The following SDK1 variants were observed in gnomAD, a reference collection of about 807,000 sequenced individuals.
SDK1 encodes the protein sidekick cell adhesion molecule 1.
In SDK1, 157 loss-of-function variants were observed where a neutral mutation model predicts 245.5. The ratio of observed to expected loss-of-function variants is 0.64; its 90% CI spans 0.56 to 0.73. The LOEUF (loss-of-function observed/expected upper bound fraction) is 0.73. SDK1 is among the 30% of genes least tolerant of loss of function. SDK1 has a pLI of 0.00. For missense variants in SDK1, 3,583 were observed against 3,002.3 expected, an observed-to-expected ratio of 1.19 and a Z score of -4.52; for synonymous variants, 1,647 against 1,278.5, an observed-to-expected ratio of 1.29 and a Z score of -6.15.
chr7:3,456,795 G>A (rs933491389), intron 1 of SDK1, among the ~76,000 whole-genome samples: 10 of 152,160 alleles, frequency 6.6e-5, no homozygotes, highest in African/African-American at 2.4e-4. Flanking sequence ...GGACATTTTG[G>A]CTGTTATGTT....
At chr7:3,768,299 G>A (rs189345792) in intron 4 of SDK1, among the ~76,000 whole-genome samples, 45 of 152,264 alleles carry the variant, frequency 3.0e-4, no homozygotes, top group Non-Finnish European at 5.9e-4. Flanking sequence ...GACATGGCCC[G>A]CATAAAGCAG....
intron 1 of SDK1, among the ~76,000 whole-genome samples, chr7:3,435,439 T>C (rs1226540459): frequency 6.8e-6 from 1 of 148,106 alleles, no homozygotes; most frequent in African/African-American, 2.5e-5. Flanking sequence ...CAAGCAATTA[T>C]CCTGCCTCAG....
chr7:3,716,963 G>A (rs888889527), intron 4 of SDK1, among the ~76,000 whole-genome samples: 1 of 152,080 alleles, frequency 6.6e-6, no homozygotes, highest in Admixed American at 6.6e-5. Flanking sequence ...TTCACTTCAT[G>A]AGTTTCCTAA....
At position 4,268,001 on chromosome 7, in the gene SDK1, G is replaced by A. The variant is rs1788573471; in HGVS notation, c.*2617G>A. On this transcript the variant is annotated 3_prime_UTR_variant, in exon 45 of 45. Transcript: ENST00000404826. ...TCCTAACTCCTTATCTTCAGGGAAG[G>A]AAAAGAAAATCACAGCCTAGGAAGA... is the stretch of plus-strand genomic sequence containing the variant. The A allele has an allele frequency of 3.0e-6, 3 of 985,372 alleles. No individual in the cohort carries two copies. In the South Asian group the frequency reaches 1.4e-4, roughly 46 times the overall value. 61.0% of individuals were successfully genotyped at this position (985,372 alleles called of 1,614,324 possible).
At chr7:3,362,579 G>A (rs1780983236) in intron 1 of SDK1, among the ~76,000 whole-genome samples, 2 of 151,936 alleles carry the variant, frequency 1.3e-5, no homozygotes, top group African/African-American at 4.8e-5. Flanking sequence ...AAGCATAATT[G>A]CGTTTTTCTT....
chr7:3,785,924 T>C (rs949258040), intron 4 of SDK1, among the ~76,000 whole-genome samples: 1 of 152,202 alleles, frequency 6.6e-6, no homozygotes, highest in African/African-American at 2.4e-5. Flanking sequence ...CTTGAGGAAA[T>C]GTGGTCTTTA....
chr7:3,672,759 T>TTTTATATATATATATA (rs1554307102), intron 4 of SDK1, among the ~76,000 whole-genome samples: 2 of 50,744 alleles, frequency 3.9e-5, no homozygotes, highest in Non-Finnish European at 6.9e-5. Context: ...ATATATAATT[T>TTTTATATATATATATA]TATATATATA....
intron 4 of SDK1, among the ~76,000 whole-genome samples, chr7:3,655,776 A>T (rs918146306): frequency 6.6e-6 from 1 of 151,958 alleles, no homozygotes; most frequent in Admixed American, 6.6e-5. Flanking sequence ...TGTGAGACTA[A>T]GTACACTAGA....
chr7:3,359,110 T>C (rs573927548), intron 1 of SDK1, among the ~76,000 whole-genome samples: 10 of 152,272 alleles, frequency 6.6e-5, no homozygotes, highest in African/African-American at 2.2e-4. Context: ...GGAATGGACA[T>C]GTGATCACGC....
At chr7:3,700,003 TGA>T in intron 4 of SDK1, among the ~76,000 whole-genome samples, 1 of 262 alleles carries the variant, frequency 3.8e-3, no homozygotes, top group African/African-American at 0.011. Flanking sequence ...TGTCATCAGA[TGA>T]TCTCTCATCA....
chr7:4,260,922 C>T (rs180790159), intron 44 of SDK1, among the ~76,000 whole-genome samples: 44 of 152,230 alleles, frequency 2.9e-4, no homozygotes, highest in African/African-American at 9.6e-4. Context: ...ATGTGTCTTA[C>T]GTCTGCAATT....
At chr7:3,687,209 G>T (rs1784313165) in intron 4 of SDK1, among the ~76,000 whole-genome samples, 1 of 145,224 alleles carries the variant, frequency 6.9e-6, no homozygotes, top group Non-Finnish European at 1.5e-5. Flanking sequence ...GTCTCTCTCT[G>T]TCGCCAGGCT....
intron 1 of SDK1, among the ~76,000 whole-genome samples, chr7:3,475,199 C>T (rs1404673566): frequency 6.6e-6 from 1 of 151,968 alleles, no homozygotes; most frequent in East Asian, 1.9e-4. Flanking sequence ...GGAACCTGAA[C>T]TCTCCCTCCT....
intron 35 of SDK1, among the ~76,000 whole-genome samples, chr7:4,204,283 G>C (rs751983254): frequency 6.6e-6 from 1 of 152,194 alleles, no homozygotes; most frequent in Non-Finnish European, 1.5e-5. Flanking sequence ...CCTCCAGTTA[G>C]TTTTGATTGA....
At chr7:3,357,812 T>G (rs887000902) in intron 1 of SDK1, among the ~76,000 whole-genome samples, 4 of 152,138 alleles carry the variant, frequency 2.6e-5, no homozygotes, top group African/African-American at 9.7e-5. Context: ...ACTCTGAACT[T>G]TCTTTGCTAT....
At chr7:3,881,407 T>C (rs1232846816) in intron 5 of SDK1, among the ~76,000 whole-genome samples, 1 of 152,214 alleles carries the variant, frequency 6.6e-6, no homozygotes, top group Admixed American at 6.5e-5. Flanking sequence ...TCCAGCTCCT[T>C]CTGCGTCCCT....
chr7:3,516,444 T>C (rs921204264), intron 1 of SDK1, among the ~76,000 whole-genome samples: 3 of 152,130 alleles, frequency 2.0e-5, no homozygotes, highest in Admixed American at 1.3e-4. Context: ...AGGCTAATTA[T>C]TGAAAGTATA....
chr7:4,074,668 C>G (rs982816871), intron 20 of SDK1, among the ~76,000 whole-genome samples: 4 of 151,714 alleles, frequency 2.6e-5, no homozygotes, highest in African/African-American at 9.7e-5. Flanking sequence ...TGAGACCAGC[C>G]TGGGCAACAC....
In SDK1 at chr7:3,969,410, C is replaced by T. The variant is rs145189416; in HGVS notation, c.1700C>T (p.Thr567Met). ...GAGGGCTCCCTGAATGCATCGGCCA[C>T]GCTCACTGTGTGGAGTAAGGAGCAG... ...NTEGSLNASA[T>M]LTVWNRTSIV... Residue 567 changes from threonine to methionine, a missense_variant, in exon 11 of 45, where the codon ACG (threonine) becomes ATG (methionine). Thr to Met is a moderately conservative substitution (Grantham distance 81). Coordinates refer to ENST00000404826, the MANE Select transcript of SDK1 (RefSeq NM_152744.4). 176 of 1,599,158 alleles carry T rather than the reference C, an allele frequency of 1.1e-4. No homozygotes were observed. The highest frequency in any genetic ancestry group is 1.8e-4 in the East Asian group (8 of 44,256).
Sources: gnomAD v4.1 joint callset for allele counts (sites outside exome capture counted in the v4.1 genomes callset) on GRCh38, gnomAD v4.1.1 for gene constraint, MANE v1.5 for transcripts, NCBI Gene and HGNC (gene_info 2026-07-23, HGNC 2026-07-21) for gene names.